SV2C: variants seen among roughly 807,000 people sequenced by gnomAD.
SV2C encodes the protein solute carrier family 22 member B3.
SV2C carries 49 observed loss-of-function variants against 79.7 expected under a neutral mutation model. The ratio of observed to expected loss-of-function variants is 0.61; its 90% CI spans 0.49 to 0.78. SV2C has a LOEUF of 0.78. SV2C is among the 30% of genes least tolerant of loss of function. The pLI is 0.00. For missense variants in SV2C, 833 were observed against 912.9 expected, an observed-to-expected ratio of 0.91 and a Z score of 1.13; for synonymous variants, 334 against 333.2, an observed-to-expected ratio of 1.00 and a Z score of -0.03.
chr5:76,045,502 G>T, the SV2C span, among the ~76,000 whole-genome samples: 1 of 152,102 alleles, frequency 6.6e-6, no homozygotes. Context: ...ATTACCTTGG[G>T]CAGTGTGATC....
intron 2 of SV2C, among the ~76,000 whole-genome samples, chr5:76,150,721 T>C (rs752176468): frequency 7.0e-6 from 1 of 143,800 alleles, no homozygotes; most frequent in Non-Finnish European, 1.5e-5. Flanking sequence ...CACTGCAGTT[T>C]CAACCTCCTG....
chr5:76,115,721 T>C (rs762703748), intron 1 of SV2C, among the ~76,000 whole-genome samples: 3 of 152,236 alleles, frequency 2.0e-5, no homozygotes, highest in Non-Finnish European at 2.9e-5. Flanking sequence ...AAAGAACTTC[T>C]TGTTTTTTGC....
the SV2C span, among the ~76,000 whole-genome samples, chr5:75,990,993 G>T: frequency 6.6e-6 from 1 of 151,850 alleles, no homozygotes; most frequent in Non-Finnish European, 1.5e-5. Flanking sequence ...CACACACACA[G>T]TTGTAACCAG....
chr5:76,033,677 A>T, the SV2C span, among the ~76,000 whole-genome samples: 1 of 152,354 alleles, frequency 6.6e-6, no homozygotes, highest in South Asian at 2.1e-4. Flanking sequence ...GAAGTCAGGT[A>T]GCATGATGCC....
the SV2C span, among the ~76,000 whole-genome samples, chr5:76,004,062 A>AT: frequency 9.2e-5 from 14 of 152,038 alleles, no homozygotes; most frequent in Admixed American, 8.5e-4. Context: ...GAAAAAAAAA[A>AT]GGTTGATAAA....
intron 2 of SV2C, chr5:76,173,749 T>G (rs201069377): frequency 6.6e-5 from 106 of 1,611,922 alleles, no homozygotes; most frequent in South Asian, 7.7e-5. Context: ...TTGCAGAAGA[T>G]TCTAAGAATG....
At chr5:75,901,686 C>G in the SV2C span, among the ~76,000 whole-genome samples, 1 of 152,242 alleles carries the variant, frequency 6.6e-6, no homozygotes, top group African/African-American at 2.4e-5. Flanking sequence ...GCCCTGCCCC[C>G]AGAGGTGGAG....
Position 76,131,881 on chromosome 5 carries a change from G to T in SV2C, c.131G>T (p.Arg44Met), listed in dbSNP as rs755641466. ...CGAGCCCAGGATGAATACACCCAGA[G>T]GTCCTACAGTCGGTTCCAAGATGAA... Reference protein sequence around the residue: ...VDRAQDEYTQRSYSRFQDEED... With the variant: ...VDRAQDEYTQMSYSRFQDEED... The change falls in exon 2 of 13, where the codon AGG becomes ATG. Residue 44 changes from arginine (R) to methionine (M), a missense_variant. Physicochemically the swap from Arg to Met is moderately conservative, Grantham distance 91. Transcript: ENST00000502798. 2.5e-6 allele frequency: 4 copies of T among 1,614,088 alleles called. No homozygotes were observed. The Admixed American group carries it at 6.7e-5, about 27-fold the overall frequency.
At chr5:75,867,178 G>T in the SV2C span, among the ~76,000 whole-genome samples, 12 of 152,242 alleles carry the variant, frequency 7.9e-5, no homozygotes, top group South Asian at 2.5e-3. Context: ...ACTAAGGATT[G>T]GGTAAGAGTA....
At chr5:75,895,568 G>C in the SV2C span, among the ~76,000 whole-genome samples, 1 of 152,098 alleles carries the variant, frequency 6.6e-6, no homozygotes, top group Non-Finnish European at 1.5e-5. Flanking sequence ...ATTAGAGTCG[G>C]GATGATGGAT....
chr5:76,253,047 G>C (rs78387229), intron 4 of SV2C, among the ~76,000 whole-genome samples: 12,161 of 152,170 alleles, frequency 0.08, 1,475 homozygotes, highest in African/African-American at 0.26. Context: ...TCAATCGATA[G>C]AGTTTTATCA....
At chr5:75,881,386 A>G in the SV2C span, among the ~76,000 whole-genome samples, 1 of 152,214 alleles carries the variant, frequency 6.6e-6, no homozygotes, top group East Asian at 1.9e-4. Context: ...AGTAATCCAT[A>G]GTGTTAGCTA....
chr5:76,299,339 G>C (rs903432040), intron 10 of SV2C, among the ~76,000 whole-genome samples: 1 of 152,026 alleles, frequency 6.6e-6, no homozygotes, highest in African/African-American at 2.4e-5. Context: ...CATATAATGG[G>C]GTATTTTAAA....
the SV2C span, among the ~76,000 whole-genome samples, chr5:75,917,597 T>C: frequency 1.8e-3 from 274 of 152,254 alleles, 2 homozygotes; most frequent in African/African-American, 6.1e-3. Context: ...CTCATTTATT[T>C]TGGAGATATA....
At chr5:75,920,726 C>T in the SV2C span, 8 of 764,588 alleles carry the variant, frequency 1.0e-5, no homozygotes, top group African/African-American at 3.4e-5. Context: ...ACTCAATCTG[C>T]GTCTCCTTGA....
At chr5:76,222,152 T>A (rs972315699) in intron 4 of SV2C, among the ~76,000 whole-genome samples, 1 of 152,146 alleles carries the variant, frequency 6.6e-6, no homozygotes, top group African/African-American at 2.4e-5. Context: ...ACCTAACATA[T>A]CACTCCTGGG....
rs368243303 is a variant in SV2C, at chr5:76,209,887, G to A, written c.913G>A (p.Gly305Arg). The change falls in exon 4 of 13, where the codon GGG becomes AGG. Residue 305 changes from glycine (G) to arginine (R), a missense_variant and splice_region_variant. Coordinates refer to ENST00000502798, the MANE Select transcript of SV2C (RefSeq NM_014979.4). The part of the protein sequence containing the change: ...AMAWAIIPHY[G>R]WSFSMGSAYQ... ...GGCCTGGGCCATCATCCCGCACTAC[G>A]GTAAGAGGCTGGCCTTGCCCCAGCT... 15 of 1,611,190 alleles carry A rather than the reference G, an allele frequency of 9.3e-6. No homozygotes were observed. Among genetic ancestry groups the A allele is most frequent in the Middle Eastern group, 1.7e-4 (1 of 6,026 alleles).
intron 2 of SV2C, among the ~76,000 whole-genome samples, chr5:76,176,441 T>C (rs1341295139): frequency 6.6e-6 from 1 of 152,208 alleles, no homozygotes; most frequent in Non-Finnish European, 1.5e-5. Flanking sequence ...TGTATTTTTA[T>C]TGGTGAGAAA....
chr5:75,863,394 C>T, the SV2C span, among the ~76,000 whole-genome samples: 1 of 152,144 alleles, frequency 6.6e-6, no homozygotes, highest in Non-Finnish European at 1.5e-5. Flanking sequence ...CATACAAAGA[C>T]AACAAATACA....
Sources: allele counts gnomAD v4.1 joint callset (sites outside exome capture counted in the v4.1 genomes callset), GRCh38; gene constraint gnomAD v4.1.1; transcripts MANE v1.5; gene names NCBI Gene and HGNC (gene_info 2026-07-23, HGNC 2026-07-21).